The following SYCP1 variants were observed in gnomAD, a reference collection of about 807,000 sequenced individuals.
The protein encoded by SYCP1 is synaptonemal complex protein 1.
Under a neutral mutation model 153.1 loss-of-function variants are expected in SYCP1, and 64 were observed. The ratio of observed to expected loss-of-function variants is 0.42; its 90% CI spans 0.34 to 0.51. The LOEUF (loss-of-function observed/expected upper bound fraction) is 0.51, where lower values mean the gene tolerates loss of function less well. Among genes scored for constraint, SYCP1 ranks in the 20% least tolerant of loss-of-function variants. The pLI is 0.06. For missense variants in SYCP1, 997 were observed against 1,049.0 expected, an observed-to-expected ratio of 0.95 and a Z score of 0.68; for synonymous variants, 384 against 341.8, an observed-to-expected ratio of 1.12 and a Z score of -1.36.
At chr1:114,960,784 A>G (rs1006941905) in intron 27 of SYCP1, among the ~76,000 whole-genome samples, 1 of 152,102 alleles carries the variant, frequency 6.6e-6, no homozygotes, top group African/African-American at 2.4e-5. Context: ...TTGTGCATCT[A>G]TGTTCATCAG....
intron 27 of SYCP1, among the ~76,000 whole-genome samples, chr1:114,950,562 G>A (rs1176300396): frequency 6.6e-6 from 1 of 151,958 alleles, no homozygotes; most frequent in Admixed American, 6.6e-5. Context: ...ACTGAGATTG[G>A]ACTAACAGTT....
intron 27 of SYCP1, among the ~76,000 whole-genome samples, chr1:114,966,835 C>T (rs1282335444): frequency 6.6e-6 from 1 of 152,000 alleles, no homozygotes; most frequent in Non-Finnish European, 1.5e-5. Flanking sequence ...CAGGCATGTG[C>T]CAGCATACCT....
intron 30 of SYCP1, among the ~76,000 whole-genome samples, chr1:114,990,083 A>G (rs745608844): frequency 6.6e-6 from 1 of 151,982 alleles, no homozygotes; most frequent in Non-Finnish European, 1.5e-5. Context: ...TCCCCAGGAT[A>G]GATCATATGT....
At chr1:114,922,714 A>T (rs1570777792) in intron 20 of SYCP1, among the ~76,000 whole-genome samples, 2 of 152,078 alleles carry the variant, frequency 1.3e-5, no homozygotes, top group African/African-American at 4.8e-5. Context: ...CCCGCACCCA[A>T]ATCTCATGTA....
At chr1:114,931,699 T>A (rs1440603581) in intron 23 of SYCP1, among the ~76,000 whole-genome samples, 1 of 152,142 alleles carries the variant, frequency 6.6e-6, no homozygotes, top group Non-Finnish European at 1.5e-5. Flanking sequence ...TCCAGCAGTA[T>A]TTTTTAGTAG....
chr1:114,943,759 C>T (rs910878809), intron 23 of SYCP1, among the ~76,000 whole-genome samples: 2 of 151,738 alleles, frequency 1.3e-5, no homozygotes, highest in South Asian at 2.1e-4. Flanking sequence ...TTACCCATAA[C>T]CCTCTTCCCA....
chr1:114,855,415 C>T, intron 1 of SYCP1, 26 bp from the exon 2 acceptor site: 2 of 1,352,022 alleles, frequency 1.5e-6, no homozygotes, highest in Middle Eastern at 1.9e-4. Flanking sequence ...AACTTTCCTT[C>T]CCCTCCCGCC....
chr1:114,916,015 C>T (rs551191908), intron 20 of SYCP1, among the ~76,000 whole-genome samples: 2 of 152,242 alleles, frequency 1.3e-5, no homozygotes, highest in Admixed American at 6.5e-5. Context: ...ATGGCAGGAA[C>T]CATGTTCAGC....
intron 27 of SYCP1, among the ~76,000 whole-genome samples, chr1:114,958,985 C>G (rs1671615048): frequency 6.6e-6 from 1 of 150,622 alleles, no homozygotes; most frequent in Non-Finnish European, 1.5e-5. Context: ...ATATGATGTA[C>G]TATTTGCAGA....
chr1:114,957,312 A>T (rs1290218386), intron 27 of SYCP1, among the ~76,000 whole-genome samples: 1 of 152,196 alleles, frequency 6.6e-6, no homozygotes, highest in Non-Finnish European at 1.5e-5. Context: ...GTTTACTTAG[A>T]TGTAAGACCT....
Position 114,897,676 on chromosome 1 carries a change from GT to G in SYCP1, c.1320+2174del, listed in dbSNP as rs1395063040. 5.3e-5 allele frequency among the ~76,000 whole-genome samples: 8 copies of G among 152,158 alleles called. No homozygotes were observed. In the South Asian group the frequency reaches 1.0e-3, roughly 20 times the overall value. On this transcript the variant is annotated intron_variant, in intron 16 of 31. Transcript: ENST00000369522. ...ATAGGAGGAAAAAGGAAAAAACAAG[GT>G]TTTTTTCCAAAGGAGTCCCAGGAGT... is the stretch of plus-strand genomic sequence containing the variant.
At chr1:114,958,706 G>A (rs914811005) in intron 27 of SYCP1, among the ~76,000 whole-genome samples, 6 of 150,032 alleles carry the variant, frequency 4.0e-5, no homozygotes, top group African/African-American at 1.5e-4. Flanking sequence ...GGATCACAAG[G>A]TCAGGAGATT....
Position 114,987,997 on chromosome 1 carries a change from T to C in SYCP1, c.2703+3129T>C, listed in dbSNP as rs898320828. Among the ~76,000 whole-genome samples, 10 of 148,552 alleles carry C rather than the reference T, an allele frequency of 6.7e-5. No homozygotes were observed. In the Admixed American group the frequency reaches 6.8e-4, roughly 10 times the overall value. On this transcript the variant is annotated intron_variant, in intron 30 of 31. Transcript: ENST00000369522. ...CGAAATGAGAAACCCACTAGAGGGATTTAAAAGCAGATTTGAGTAAGCAGA... is the reference window on the plus strand; with the variant it reads ...CGAAATGAGAAACCCACTAGAGGGACTTAAAAGCAGATTTGAGTAAGCAGA...
chr1:114,910,240 G>C, intron 16 of SYCP1, 157 bp from the exon 17 acceptor site: 1 of 487,242 alleles, frequency 2.1e-6, no homozygotes, highest in Non-Finnish European at 3.7e-6. Context: ...ATCATGTTTA[G>C]TCTTTGAATT....
At chr1:114,856,956 A>C (rs1015038278) in intron 3 of SYCP1, among the ~76,000 whole-genome samples, 9 of 147,386 alleles carry the variant, frequency 6.1e-5, no homozygotes, top group Non-Finnish European at 1.3e-4. Context: ...CCAGCAAACA[A>C]ACCCCACCAC....
chr1:114,971,347 T>C (rs1418587524), intron 27 of SYCP1, among the ~76,000 whole-genome samples: 1 of 152,014 alleles, frequency 6.6e-6, no homozygotes, highest in Non-Finnish European at 1.5e-5. Flanking sequence ...GGATTATGGC[T>C]CCCTCTGATG....
At chr1:114,896,513 A>G (rs1362730175) in intron 16 of SYCP1, among the ~76,000 whole-genome samples, 1 of 152,142 alleles carries the variant, frequency 6.6e-6, no homozygotes, top group Non-Finnish European at 1.5e-5. Flanking sequence ...AATGAAATTC[A>G]TTTATTTTTG....
chr1:114,988,640 C>T (rs565783934), intron 30 of SYCP1, among the ~76,000 whole-genome samples: 1 of 152,062 alleles, frequency 6.6e-6, no homozygotes, highest in East Asian at 1.9e-4. Flanking sequence ...ACCACTAAAC[C>T]TGCTCTTCAA....
intron 9 of SYCP1, 30 bp from the exon 10 acceptor site, chr1:114,876,039 A>G (rs1665506716): frequency 6.8e-7 from 1 of 1,464,382 alleles, no homozygotes; most frequent in Admixed American, 2.3e-5. Flanking sequence ...AAAAAAATTT[A>G]AGTATGATTC....
Sources: allele counts gnomAD v4.1 joint callset (sites outside exome capture counted in the v4.1 genomes callset), GRCh38; gene constraint gnomAD v4.1.1; transcripts MANE v1.5; gene names NCBI Gene and HGNC (gene_info 2026-07-23, HGNC 2026-07-21).